Variants in TXLNB observed in about 807,000 individuals in gnomAD.
TXLNB encodes the protein beta-taxilin.
TXLNB carries 37 observed loss-of-function variants against 57.4 expected under a neutral mutation model. That is an observed-to-expected ratio of 0.64 (90% CI 0.50 to 0.85). TXLNB has a LOEUF of 0.85. Ranked by LOEUF, TXLNB falls within the 40% of genes least tolerant of loss-of-function variation. The pLI, the probability that TXLNB is intolerant of heterozygous loss-of-function variation, is 0.00. For synonymous variants in TXLNB, 302 were observed against 309.6 expected (o/e 0.98, Z 0.26); for missense variants, 848 against 825.6 (o/e 1.03, Z -0.33).
chr6:139,178,607 T>G, the TXLNB span: 1 of 70,498 alleles, frequency 1.4e-5, no homozygotes, highest in African/African-American at 9.7e-5. Flanking sequence ...GGAGTCTCAC[T>G]CTTGTCACCC....
the TXLNB span, among the ~76,000 whole-genome samples, chr6:139,315,338 C>T: frequency 3.3e-5 from 5 of 152,252 alleles, no homozygotes; most frequent in South Asian, 2.1e-4. Context: ...GCTGGCTCTG[C>T]GTGAATTACT....
At chr6:139,168,962 C>T in the TXLNB span, among the ~76,000 whole-genome samples, 2 of 152,130 alleles carry the variant, frequency 1.3e-5, no homozygotes, top group African/African-American at 4.8e-5. Flanking sequence ...CTGTCTTTGC[C>T]TCCATCTCCA....
chr6:139,171,181 T>C, the TXLNB span, among the ~76,000 whole-genome samples: 4 of 151,890 alleles, frequency 2.6e-5, no homozygotes, highest in Admixed American at 6.6e-5. Flanking sequence ...TTTATAACAG[T>C]GGTGGTTAAA....
the TXLNB span, among the ~76,000 whole-genome samples, chr6:139,221,761 C>G: frequency 6.6e-6 from 1 of 152,112 alleles, no homozygotes; most frequent in Admixed American, 6.5e-5. Context: ...ATTGGTATAA[C>G]AGTGGCTTAG....
chr6:139,318,613 A>G, the TXLNB span, among the ~76,000 whole-genome samples: 1 of 152,078 alleles, frequency 6.6e-6, no homozygotes, highest in South Asian at 2.1e-4. Flanking sequence ...CATCCAGAGG[A>G]CAAAACACAT....
At chr6:139,256,886 G>A (rs1292946646) in intron 6 of TXLNB, among the ~76,000 whole-genome samples, 2 of 152,188 alleles carry the variant, frequency 1.3e-5, no homozygotes, top group Admixed American at 6.5e-5. Flanking sequence ...TCTGGATATC[G>A]GTGGCCTGTG....
chr6:139,168,553 C>T, the TXLNB span, among the ~76,000 whole-genome samples: 1 of 151,716 alleles, frequency 6.6e-6, no homozygotes, highest in South Asian at 2.1e-4. Flanking sequence ...CTGAAAATGC[C>T]CCTCGTGGAG....
At chr6:139,250,041 G>A (rs1226756427) in intron 7 of TXLNB, among the ~76,000 whole-genome samples, 1 of 151,778 alleles carries the variant, frequency 6.6e-6, no homozygotes. Context: ...TTAAGAGACA[G>A]TCTGATTCTG....
chr6:139,235,572 G>A (rs1775826620), downstream of TXLNB, among the ~76,000 whole-genome samples: 1 of 152,140 alleles, frequency 6.6e-6, no homozygotes, highest in African/African-American at 2.4e-5. Context: ...TCAAGGGTGG[G>A]ACCAGGTGGA....
chr6:139,273,164 A>C (rs1338763681), intron 3 of TXLNB, among the ~76,000 whole-genome samples: 1 of 152,258 alleles, frequency 6.6e-6, no homozygotes. Context: ...CAAGTAACAT[A>C]CTGGGCCAGA....
intron 2 of TXLNB, among the ~76,000 whole-genome samples, chr6:139,280,169 T>C (rs1418457115): frequency 6.7e-6 from 1 of 148,298 alleles, no homozygotes; most frequent in East Asian, 2.0e-4. Flanking sequence ...GGAGAATCGC[T>C]TGAACCAGGG....
rs1279531433 is a variant in TXLNB, at chr6:139,240,972, T to G, written c.*1554A>C. Reference sequence around the variant, plus strand: ...GGTTAGACATTGTTTCTTTCTTCCCTTCTCCCTCCTTCCTTTCTTCCTTCC... The same window carrying G: ...GGTTAGACATTGTTTCTTTCTTCCCGTCTCCCTCCTTCCTTTCTTCCTTCC... On this transcript the variant is annotated 3_prime_UTR_variant, in exon 10 of 10. Transcript: ENST00000358430. 1 of 152,368 alleles carries G rather than the reference T, an allele frequency of 6.6e-6. No homozygotes were observed. The highest frequency in any genetic ancestry group is 1.5e-5 in the Non-Finnish European group (1 of 68,038). 9.4% of individuals were successfully genotyped at this position (152,368 alleles called of 1,614,324 possible). A position where few individuals can be genotyped will look rare whatever the true frequency, so the allele number is the denominator to read the frequency against.
At chr6:139,192,692 C>T in the TXLNB span, among the ~76,000 whole-genome samples, 3 of 152,060 alleles carry the variant, frequency 2.0e-5, no homozygotes, top group Non-Finnish European at 4.4e-5. Context: ...CGCCTGTAAT[C>T]CCAGCACTTT....
intron 4 of TXLNB, among the ~76,000 whole-genome samples, chr6:139,268,027 T>C (rs1776658458): frequency 6.6e-6 from 1 of 151,862 alleles, no homozygotes; most frequent in South Asian, 2.1e-4. Context: ...GGCGGGTGCC[T>C]GTAATTTCAG....
intron 3 of TXLNB, chr6:139,271,314 C>A (rs952808927): frequency 2.0e-5 from 3 of 152,290 alleles, no homozygotes; most frequent in African/African-American, 7.2e-5. Flanking sequence ...CGCACCCGCT[C>A]TGTGCTTATA....
chr6:139,191,406 C>A, the TXLNB span, among the ~76,000 whole-genome samples: 3 of 151,984 alleles, frequency 2.0e-5, no homozygotes, highest in Non-Finnish European at 4.4e-5. Context: ...GCAACAAGAG[C>A]AAAACTCTGT....
At chr6:139,228,985 G>A in the TXLNB span, among the ~76,000 whole-genome samples, 1 of 152,186 alleles carries the variant, frequency 6.6e-6, no homozygotes, top group African/African-American at 2.4e-5. Flanking sequence ...AGGACTGGGT[G>A]AGTGGGTAGG....
intron 7 of TXLNB, among the ~76,000 whole-genome samples, chr6:139,250,926 T>C (rs1276384880): frequency 6.6e-6 from 1 of 152,228 alleles, no homozygotes; most frequent in East Asian, 1.9e-4. Flanking sequence ...TACTTTTCCA[T>C]GTGTACCTGT....
intron 6 of TXLNB, among the ~76,000 whole-genome samples, chr6:139,257,329 T>G (rs950586260): frequency 2.0e-5 from 3 of 152,198 alleles, no homozygotes; most frequent in African/African-American, 7.2e-5. Context: ...GACAGTTGTT[T>G]TTTGCCATTT....
Sources: gnomAD v4.1 joint callset for allele counts (sites outside exome capture counted in the v4.1 genomes callset) on GRCh38, gnomAD v4.1.1 for gene constraint, MANE v1.5 for transcripts, NCBI Gene and HGNC (gene_info 2026-07-23, HGNC 2026-07-21) for gene names.